Variants in SORCS3 observed in about 807,000 individuals in gnomAD.
SORCS3 encodes the protein sortilin related VPS10 domain containing receptor 3, also known as VPS10 domain-containing receptor SorCS3.
A neutral mutation model predicts 146.3 loss-of-function variants in SORCS3; 57 were observed. The observed-to-expected ratio is 0.39, with a 90% CI of 0.31 to 0.49. The LOEUF (loss-of-function observed/expected upper bound fraction) is 0.49. Ranked by LOEUF, SORCS3 falls within the 20% of genes least tolerant of loss-of-function variation. The pLI is 0.92. For missense variants in SORCS3, 1,341 were observed against 1,575.5 expected (o/e 0.85, Z 2.52); for synonymous variants, 653 against 618.5 (o/e 1.06, Z -0.83).
chr10:104,978,306 G>A (rs757999496), intron 4 of SORCS3, among the ~76,000 whole-genome samples: 1 of 152,248 alleles, frequency 6.6e-6, no homozygotes, highest in East Asian at 1.9e-4. Flanking sequence ...TAGAAGGGAA[G>A]CTTCAAACAA....
intron 4 of SORCS3, among the ~76,000 whole-genome samples, chr10:105,036,894 A>G (rs1344089260): frequency 6.6e-6 from 1 of 152,184 alleles, no homozygotes; most frequent in Non-Finnish European, 1.5e-5. Context: ...AATGCTACCT[A>G]AACTCCACAA....
Position 104,836,844 on chromosome 10 carries a change from G to A in SORCS3, c.628-5948G>A, listed in dbSNP as rs540145279. 9.9e-4 allele frequency among the ~76,000 whole-genome samples: 151 copies of A among 151,922 alleles called. 1 individual carries two copies. Among genetic ancestry groups the A allele is most frequent in the African/African-American group, 3.3e-3 (137 of 41,428 alleles). Reference sequence around the variant, plus strand: ...CTGCTTTTCTCATAACTAGAATGCTGCCCCTACCTCCTGCTCTTTTCTATC... The same window carrying A: ...CTGCTTTTCTCATAACTAGAATGCTACCCCTACCTCCTGCTCTTTTCTATC... On this transcript the variant is annotated intron_variant, in intron 1 of 26. Transcript: ENST00000369701.
chr10:104,937,168 A>G (rs765137202), intron 3 of SORCS3, among the ~76,000 whole-genome samples: 5 of 152,316 alleles, frequency 3.3e-5, no homozygotes, highest in South Asian at 4.1e-4. Context: ...ATGAGAACCT[A>G]ATGCCTGATG....
intron 4 of SORCS3, among the ~76,000 whole-genome samples, chr10:104,993,236 G>T (rs981013009): frequency 6.6e-6 from 1 of 152,180 alleles, no homozygotes; most frequent in Non-Finnish European, 1.5e-5. Context: ...AGTGGAAGAG[G>T]GGAGCGTCTG....
At chr10:104,667,628 G>A (rs1564654960) in intron 1 of SORCS3, among the ~76,000 whole-genome samples, 1 of 152,260 alleles carries the variant, frequency 6.6e-6, no homozygotes, top group East Asian at 1.9e-4. Context: ...AACAAACGCT[G>A]GCTGATAAAT....
chr10:104,642,006 ATGGGGGGG>A, intron 1 of SORCS3, 52 bp downstream of exon 1: 3 of 56,338 alleles, frequency 5.3e-5, no homozygotes, highest in Non-Finnish European at 1.1e-4. Context: ...CCGAAGGGGA[ATGGGGGGG>A]TGGGTGGGAG....
chr10:104,757,593 G>C (rs191981028), intron 1 of SORCS3, among the ~76,000 whole-genome samples: 1 of 152,310 alleles, frequency 6.6e-6, no homozygotes, highest in East Asian at 1.9e-4. Flanking sequence ...TCAGAGGGCT[G>C]CTGTTTTATT....
Position 105,225,377 on chromosome 10 carries a change from A to G in SORCS3, c.2868+2128A>G, listed in dbSNP as rs118053942. On this transcript the variant is annotated intron_variant, in intron 20 of 26. Coordinates refer to ENST00000369701, the MANE Select transcript of SORCS3 (RefSeq NM_014978.3). ...TGTATTAACTTTGCTCCTTTGCCAA[A>G]AATAAGTTGATTACACTTATGTGAG... Among the ~76,000 whole-genome samples the G allele has an allele frequency of 5.6e-4, 85 of 152,162 alleles. No individual in the cohort carries two copies. In the East Asian group the frequency reaches 0.014, roughly 26 times the overall value.
rs574848274 is a variant in SORCS3, at chr10:104,663,053, G to A, written c.627+21099G>A. On this transcript the variant is annotated intron_variant, in intron 1 of 26. Coordinates refer to ENST00000369701, the MANE Select transcript of SORCS3 (RefSeq NM_014978.3). ...AGGAGCAGCAGAAGCCCACACTGCC[G>A]TCTCTCCTTCCAGCTCTGGGAGCTG... is the stretch of plus-strand genomic sequence containing the variant. Among the ~76,000 whole-genome samples, 5 of 152,268 alleles carry A rather than the reference G, an allele frequency of 3.3e-5. No individual in the cohort carries two copies. In the East Asian group the frequency reaches 5.8e-4, roughly 18 times the overall value.
intron 4 of SORCS3, among the ~76,000 whole-genome samples, chr10:105,000,022 C>T (rs1002035219): frequency 6.6e-6 from 1 of 151,862 alleles, no homozygotes; most frequent in Non-Finnish European, 1.5e-5. Context: ...GTACAGTCTT[C>T]CTAAAGCTCA....
At chr10:105,111,949 G>T (rs1226400985) in intron 7 of SORCS3, among the ~76,000 whole-genome samples, 22 of 152,148 alleles carry the variant, frequency 1.4e-4, no homozygotes. Context: ...CTTATATAAG[G>T]GGCAGTTGTA....
rs1038634715 is a variant in SORCS3 at position 104,823,439 on chromosome 10, A to G, written c.628-19353A>G. On this transcript the variant is annotated intron_variant, in intron 1 of 26. Coordinates refer to ENST00000369701, the MANE Select transcript of SORCS3 (RefSeq NM_014978.3). ...GTTCCATTTGCAGTTTTTAGCGACAACTTTTTCATAAGGGATTCCCTCCCA... is the reference window on the plus strand; with the variant it reads ...GTTCCATTTGCAGTTTTTAGCGACAGCTTTTTCATAAGGGATTCCCTCCCA... Among the ~76,000 whole-genome samples, 9 of 152,040 alleles carry G rather than the reference A, an allele frequency of 5.9e-5. No homozygotes were observed. The South Asian group carries it at 1.9e-3, about 32-fold the overall frequency.
In SORCS3 at chr10:105,201,266, G is replaced by T. The variant is rs749423326; in HGVS notation, c.2261+13G>T. ...GGGACTTCGAGTGGTGAGTTGTTTG[G>T]CATTTCATTACCAATTCCAACCAGG... On this transcript the variant is annotated intron_variant, in intron 16 of 26. Coordinates refer to ENST00000369701, the MANE Select transcript of SORCS3 (RefSeq NM_014978.3). The T allele has an allele frequency of 6.3e-7, 1 of 1,598,578 alleles. No homozygotes were observed.
At chr10:105,046,617 C>T (rs1404070124) in intron 5 of SORCS3, among the ~76,000 whole-genome samples, 1 of 152,102 alleles carries the variant, frequency 6.6e-6, no homozygotes, top group Non-Finnish European at 1.5e-5. Flanking sequence ...TAGTGCCCCA[C>T]CCTTCTTGTG....
chr10:104,841,255 C>T (rs866811136), intron 1 of SORCS3, among the ~76,000 whole-genome samples: 1 of 152,144 alleles, frequency 6.6e-6, no homozygotes, highest in Non-Finnish European at 1.5e-5. Context: ...GCATGGGTTC[C>T]TCACTCCTTG....
intron 1 of SORCS3, among the ~76,000 whole-genome samples, chr10:104,697,859 C>G (rs1253096480): frequency 1.3e-5 from 2 of 152,060 alleles, no homozygotes; most frequent in Non-Finnish European, 2.9e-5. Context: ...ATCCACAGAC[C>G]CATTAATGCA....
chr10:104,835,433 T>G (rs1412680062), intron 1 of SORCS3, among the ~76,000 whole-genome samples: 1 of 152,160 alleles, frequency 6.6e-6, no homozygotes, highest in Non-Finnish European at 1.5e-5. Flanking sequence ...GAGGTGGATG[T>G]GCAGAGAGCC....
At chr10:104,981,820 G>C (rs1219540777) in intron 4 of SORCS3, among the ~76,000 whole-genome samples, 1 of 152,088 alleles carries the variant, frequency 6.6e-6, no homozygotes, top group African/African-American at 2.4e-5. Flanking sequence ...TTCTGCGTGA[G>C]AGGTAGGATT....
intron 25 of SORCS3, among the ~76,000 whole-genome samples, chr10:105,258,055 G>GC (rs1390074439): frequency 1.3e-5 from 2 of 152,104 alleles, no homozygotes; most frequent in African/African-American, 4.8e-5. Context: ...GACTCTTCCT[G>GC]CCCCCCTTCT....
Sources: allele counts gnomAD v4.1 joint callset (sites outside exome capture counted in the v4.1 genomes callset), GRCh38; gene constraint gnomAD v4.1.1; transcripts MANE v1.5; gene names NCBI Gene and HGNC (gene_info 2026-07-23, HGNC 2026-07-21).